The following SNX25 variants were observed in gnomAD, a reference collection of about 807,000 sequenced individuals.
SNX25 encodes sorting nexin 25.
SNX25 carries 62 observed loss-of-function variants against 113.7 expected under a neutral mutation model. That is an observed-to-expected ratio of 0.55 (90% CI 0.44 to 0.67). The LOEUF is 0.67. SNX25 is among the 30% of genes least tolerant of loss of function. SNX25 has a pLI of 0.00. For synonymous variants in SNX25, 421 were observed against 436.2 expected (o/e 0.97, Z 0.43); for missense variants, 1,014 against 1,161.0 (o/e 0.87, Z 1.84).
intron 5 of SNX25, among the ~76,000 whole-genome samples, chr4:185,267,394 G>A (rs1449206791): frequency 6.6e-6 from 1 of 151,854 alleles, no homozygotes; most frequent in Non-Finnish European, 1.5e-5. Flanking sequence ...GGGCACCCAC[G>A]CTCCCCACCG....
At chr4:185,238,722 C>T (rs949701720) in intron 1 of SNX25, among the ~76,000 whole-genome samples, 9 of 152,158 alleles carry the variant, frequency 5.9e-5, no homozygotes, top group Non-Finnish European at 1.3e-4. Context: ...GGATATTACA[C>T]CTGTCACCCC....
At chr4:185,227,987 A>G (rs1741267618) in intron 1 of SNX25, among the ~76,000 whole-genome samples, 2 of 152,122 alleles carry the variant, frequency 1.3e-5, no homozygotes, top group African/African-American at 2.4e-5. Flanking sequence ...AAGCTCAGAG[A>G]GTAAGAGGGA....
chr4:185,307,087 G>A (rs1754571194), intron 6 of SNX25, among the ~76,000 whole-genome samples: 1 of 152,150 alleles, frequency 6.6e-6, no homozygotes, highest in South Asian at 2.1e-4. Context: ...TTTGTGTTAA[G>A]TACCGGAAAA....
At chr4:185,308,961 A>G (rs1426670152) in intron 6 of SNX25, among the ~76,000 whole-genome samples, 1 of 152,242 alleles carries the variant, frequency 6.6e-6, no homozygotes, top group Non-Finnish European at 1.5e-5. Context: ...ACCCTAAAAC[A>G]TAGTGTCTTT....
intron 3 of SNX25, among the ~76,000 whole-genome samples, chr4:185,263,868 G>T (rs150319196): frequency 0.013 from 1,924 of 152,272 alleles, 28 homozygotes; most frequent in South Asian, 0.038. Context: ...TAATGTTCCT[G>T]GGATGGAGTC....
chr4:185,266,771 A>C (rs1231385659), intron 4 of SNX25, among the ~76,000 whole-genome samples, 198 bp from the exon 5 acceptor site: 1 of 152,198 alleles, frequency 6.6e-6, no homozygotes, highest in African/African-American at 2.4e-5. Context: ...GCCATGGATG[A>C]TAACATATTT....
chr4:185,215,812 C>T (rs1168380305), intron 1 of SNX25, among the ~76,000 whole-genome samples: 3 of 147,240 alleles, frequency 2.0e-5, no homozygotes, highest in Non-Finnish European at 4.5e-5. Flanking sequence ...TTTTTTGATA[C>T]AGGATCTGGC....
intron 13 of SNX25, among the ~76,000 whole-genome samples, chr4:185,349,735 T>C (rs1361586135): frequency 6.6e-6 from 1 of 152,236 alleles, no homozygotes; most frequent in Non-Finnish European, 1.5e-5. Context: ...TTATTGTGTG[T>C]GTGTGTGTTT....
At chr4:185,351,342 A>G in intron 13 of SNX25, 103 bp from the exon 14 acceptor site, 1 of 1,235,340 alleles carries the variant, frequency 8.1e-7, no homozygotes, top group Non-Finnish European at 1.1e-6. Context: ...AAGTCTGATG[A>G]AAGTAAATTC....
At chr4:185,311,330 C>T (rs1381919360) in intron 7 of SNX25, among the ~76,000 whole-genome samples, 1 of 152,230 alleles carries the variant, frequency 6.6e-6, no homozygotes, top group Non-Finnish European at 1.5e-5. Flanking sequence ...GACTGGTTTG[C>T]AAATGTGAGT....
rs199809081 is a variant in SNX25, at chr4:185,226,154, C to T, written c.429+15899C>T. Among the ~76,000 whole-genome samples the T allele has an allele frequency of 7.9e-5, 12 of 152,294 alleles. No individual in the cohort carries two copies. In the East Asian group the frequency reaches 1.7e-3, roughly 22 times the overall value. ...TTCCAGGCAGCCGCTGAAAATTCAC[C>T]GAGTTGGCACATAGCGTGAAACCCA... On this transcript the variant is annotated intron_variant, in intron 1 of 18. Transcript: ENST00000652585.
At chr4:185,314,148 A>G (rs556083401) in intron 7 of SNX25, among the ~76,000 whole-genome samples, 5 of 152,186 alleles carry the variant, frequency 3.3e-5, no homozygotes, top group African/African-American at 1.2e-4. Context: ...TTTAATGCTT[A>G]TAGCAGAAGC....
At chr4:185,377,109 G>T in the SNX25 span, 1 of 922,730 alleles carries the variant, frequency 1.1e-6, no homozygotes. Context: ...ATCTAACACT[G>T]TTGACATTCT....
chr4:185,353,998 C>T (rs2095327896), intron 15 of SNX25, among the ~76,000 whole-genome samples: 4 of 150,660 alleles, frequency 2.7e-5, no homozygotes, highest in African/African-American at 9.8e-5. Context: ...GAGCCAAGAT[C>T]GCACCACTGC....
intron 6 of SNX25, among the ~76,000 whole-genome samples, chr4:185,288,620 GTGGTGTATATA>G (rs906845947): frequency 1.4e-4 from 10 of 73,612 alleles, no homozygotes; most frequent in African/African-American, 4.3e-4. Context: ...GGGTGGGGGG[GTGGTGTATATA>G]TATATTGCTC....
At chr4:185,375,493 T>TATATATATATATAC in the SNX25 span, 1 of 39,964 alleles carries the variant, frequency 2.5e-5, no homozygotes, top group Non-Finnish European at 3.9e-5. Flanking sequence ...AAAAAATATA[T>TATATATATATATAC]ATATATATAT....
rs1356564198 is a variant in SNX25 at position 185,334,800 on chromosome 4, C to T, written c.1914+2041C>T. Among the ~76,000 whole-genome samples, 6 of 152,134 alleles carry T rather than the reference C, an allele frequency of 3.9e-5. No homozygotes were observed. The South Asian group carries it at 1.2e-3, about 32-fold the overall frequency. On this transcript the variant is annotated intron_variant, in intron 10 of 18. Coordinates refer to ENST00000652585, the MANE Select transcript of SNX25 (RefSeq NM_001378034.2). The surrounding 1 kb of genome is among the most constrained non-coding windows in gnomAD (Gnocchi z 4.2). The stretch of plus-strand genomic sequence containing the variant: ...GAAAGAATTCTCAAGAAACTTGGAG[C>T]GATTCACTGGTACTGTGGCTTAACT...
chr4:185,346,238 A>G (rs562959119), intron 12 of SNX25, among the ~76,000 whole-genome samples: 111 of 152,332 alleles, frequency 7.3e-4, no homozygotes, highest in African/African-American at 2.5e-3. Flanking sequence ...TCTGTGAGCC[A>G]GGTTTCCATT....
rs750125703 is a variant in SNX25, at chr4:185,342,071, C to A, written c.2142C>A (p.Pro714=). ...TTGAAACTAAGAACTGGACGGTCCC[C>A]AGAAGGCTCAGCGAGTTTCAGAATT... is the stretch of plus-strand genomic sequence containing the variant. ...GGVETKNWTV[P]RRLSEFQNLH... is the part of the protein sequence containing the mutation. Residue 714 remains proline (P), a synonymous_variant, in exon 12 of 19, where the codon CCC becomes CCA. Coordinates refer to ENST00000652585, the MANE Select transcript of SNX25 (RefSeq NM_001378034.2). 1 of 1,607,528 alleles carries A rather than the reference C, an allele frequency of 6.2e-7. No homozygotes were observed. The highest frequency in any genetic ancestry group is 8.5e-7 in the Non-Finnish European group (1 of 1,177,198).
Sources: gnomAD v4.1 joint callset for allele counts (sites outside exome capture counted in the v4.1 genomes callset) on GRCh38, gnomAD v4.1.1 for gene constraint, Gnocchi (gnomAD v3.1) non-coding constraint, MANE v1.5 for transcripts, NCBI Gene and HGNC (gene_info 2026-07-23, HGNC 2026-07-21) for gene names.